The following PRSS12 variants were observed in gnomAD, a reference collection of about 807,000 sequenced individuals.
PRSS12 encodes the protein serine protease 12.
In PRSS12, 85 loss-of-function variants were observed where a neutral mutation model predicts 104.4. The ratio of observed to expected loss-of-function variants is 0.81; its 90% CI spans 0.68 to 0.98. The LOEUF is 0.98. PRSS12 is among the 50% of genes least tolerant of loss of function. PRSS12 has a pLI of 0.00. For synonymous variants in PRSS12, 454 were observed against 425.2 expected (o/e 1.07, Z -0.83); for missense variants, 1,141 against 1,139.2 (o/e 1.00, Z -0.02).
rs372488853 is a variant in PRSS12, at chr4:118,352,362, T to G, written c.359A>C (p.Glu120Ala). Residue 120 changes from glutamate (E) to alanine (A), a missense_variant, in exon 1 of 13, where the codon GAG becomes GCG. Glu to Ala is a moderately radical substitution (Grantham distance 107). Coordinates refer to ENST00000296498, the MANE Select transcript of PRSS12 (RefSeq NM_003619.4). ...LRWAEVPPFL[E>A]RSPPASWAQL... is the part of the protein sequence containing the mutation. ...AGCCCAGCTCGCTGGGGGCGACCGC[T>G]CCAGGAAGGGTGGCACCTCCGCCCA... 9.3e-5 allele frequency: 146 copies of G among 1,565,528 alleles called. No individual in the cohort carries two copies. In the African/African-American group the frequency reaches 1.8e-3, roughly 20 times the overall value.
intron 8 of PRSS12, chr4:118,303,961 G>T (rs1318758364): frequency 6.6e-6 from 1 of 151,542 alleles, no homozygotes; most frequent in East Asian, 1.9e-4. Context: ...CCAACCCATT[G>T]GTCTAATTAA....
At chr4:118,303,087 T>C (rs1018404235) in intron 8 of PRSS12, among the ~76,000 whole-genome samples, 2 of 151,784 alleles carry the variant, frequency 1.3e-5, no homozygotes, top group African/African-American at 4.8e-5. Context: ...GAAGGGGAAG[T>C]TACAGATAAT....
chr4:118,312,243 A>G (rs1180555443), intron 7 of PRSS12, among the ~76,000 whole-genome samples: 3 of 152,180 alleles, frequency 2.0e-5, no homozygotes, highest in African/African-American at 7.2e-5. Context: ...TTGTTACTTT[A>G]TAACATGAAG....
intron 4 of PRSS12, among the ~76,000 whole-genome samples, chr4:118,327,537 A>AAATG (rs1198588331): frequency 6.6e-6 from 1 of 152,196 alleles, no homozygotes; most frequent in Admixed American, 6.6e-5. Context: ...TTTAGAGCAA[A>AAATG]AAAGTAAAAA....
At position 118,283,085 on chromosome 4, in the gene PRSS12, G is replaced by A; in HGVS notation, c.2066C>T (p.Ala689Val). Residue 689 changes from alanine to valine, a missense_variant, in exon 12 of 13, where the codon GCT (alanine) becomes GTT (valine). Coordinates refer to ENST00000296498, the MANE Select transcript of PRSS12 (RefSeq NM_003619.4). ...AGTATGATAATCTCCAACCCTAACA[G>A]CATAGCTCCTAGTGCTGTTGCCATA... The part of the protein sequence containing the change: ...KRYGNSTRSY[A>V]VRVGDYHTLV... 6.2e-6 allele frequency: 10 copies of A among 1,614,092 alleles called. No homozygotes were observed. Among genetic ancestry groups the A allele is most frequent in the Non-Finnish European group, 8.5e-6 (10 of 1,180,016 alleles).
intron 8 of PRSS12, among the ~76,000 whole-genome samples, chr4:118,307,106 T>C (rs1327026187): frequency 1.3e-5 from 2 of 152,150 alleles, no homozygotes; most frequent in Non-Finnish European, 2.9e-5. Context: ...AGAAACACAG[T>C]GAGCAAAAGA....
At position 118,352,749 on chromosome 4, in the gene PRSS12, G is replaced by A; in HGVS notation, c.-29C>T. The A allele has an allele frequency of 1.2e-6, 2 of 1,611,008 alleles. No individual in the cohort carries two copies. Among genetic ancestry groups the A allele is most frequent in the Non-Finnish European group, 1.7e-6 (2 of 1,178,732 alleles). On this transcript the variant is annotated 5_prime_UTR_variant, in exon 1 of 13. Transcript: ENST00000296498. ...GCCAGCGCTGCGGGGTCTGGTCCAT[G>A]CTCCCCAGCTTCTCGGGCTTGGAGC...
intron 3 of PRSS12, 118 bp downstream of exon 3, chr4:118,335,355 C>T (rs1384742541): frequency 1.6e-5 from 20 of 1,216,602 alleles, no homozygotes; most frequent in Non-Finnish European, 2.2e-5. Context: ...TTGACTCAGA[C>T]TTATTTCTGT....
intron 9 of PRSS12, 115 bp downstream of exon 9, chr4:118,298,618 A>G: frequency 9.1e-7 from 1 of 1,094,856 alleles, no homozygotes; most frequent in Non-Finnish European, 1.4e-6. Flanking sequence ...AGCACAAGAC[A>G]TGGATCTGTA....
intron 5 of PRSS12, among the ~76,000 whole-genome samples, 164 bp downstream of exon 5, chr4:118,318,214 G>A (rs749432104): frequency 3.3e-5 from 5 of 152,166 alleles, no homozygotes; most frequent in Non-Finnish European, 5.9e-5. Context: ...TGAATAAAAA[G>A]ATGGTACTTT....
chr4:118,299,140 C>CT (rs1384672294), intron 8 of PRSS12, among the ~76,000 whole-genome samples: 2 of 152,188 alleles, frequency 1.3e-5, no homozygotes, highest in Non-Finnish European at 2.9e-5. Flanking sequence ...TCCACAGCTA[C>CT]TTTATTACAT....
In PRSS12 at chr4:118,298,787, C is replaced by T. The variant is rs757463897; in HGVS notation, c.1783G>A (p.Ala595Thr). ...CCAAAATAATCACAAATAACTCCTG[C>T]ATCTTCACTGTGGCGGCAGTTGTGT... ...GRHNCRHSED[A>T]GVICDYFGKK... The change falls in exon 9 of 13, where the codon GCA (alanine) becomes ACA (threonine). Residue 595 changes from alanine to threonine, a missense_variant. By Grantham distance (58) the Ala-to-Thr change is moderately conservative (BLOSUM62 0). Transcript: ENST00000296498. The T allele has an allele frequency of 6.2e-7, 1 of 1,614,168 alleles. No homozygotes were observed. The highest frequency in any genetic ancestry group is 1.1e-5 in the South Asian group (1 of 91,082).
In PRSS12 at chr4:118,335,511, T is replaced by G. The variant is rs1456047685; in HGVS notation, c.782A>C (p.Gln261Pro). ...ACACGTGACAGCAGCTGCCATCTTC[T>G]GAGGACACACCCCACCCTGCCAGAT... Reference protein sequence around the residue: ...KDIWQGGVCPQKMAAAVTCSF... With the variant: ...KDIWQGGVCPPKMAAAVTCSF... The change falls in exon 3 of 13, where the codon CAG (glutamine) becomes CCG (proline). Residue 261 changes from glutamine (Q) to proline (P), a missense_variant. Physicochemically the swap from Gln to Pro is moderately conservative, Grantham distance 76. Transcript: ENST00000296498. The G allele has an allele frequency of 1.2e-6, 2 of 1,613,912 alleles. No homozygotes were observed. Among genetic ancestry groups the G allele is most frequent in the Non-Finnish European group, 8.5e-7 (1 of 1,179,976 alleles).
intron 11 of PRSS12, 84 bp downstream of exon 11, chr4:118,294,855 C>T: frequency 3.8e-6 from 6 of 1,574,452 alleles, no homozygotes; most frequent in Non-Finnish European, 5.2e-6. Context: ...GGCTCTGACA[C>T]CTTGAGTGCT....
intron 9 of PRSS12, among the ~76,000 whole-genome samples, chr4:118,296,643 G>A (rs1165480884): frequency 1.3e-5 from 2 of 151,804 alleles, no homozygotes; most frequent in African/African-American, 4.8e-5. Context: ...AGAGGAGGAG[G>A]GTGGGAACTG....
intron 11 of PRSS12, among the ~76,000 whole-genome samples, chr4:118,286,071 G>A (rs1743010542): frequency 6.6e-6 from 1 of 152,140 alleles, no homozygotes; most frequent in Non-Finnish European, 1.5e-5. Context: ...GCCTTAATGT[G>A]TCATTTCATG....
At chr4:118,303,206 A>C (rs963055079) in intron 8 of PRSS12, 2 of 152,140 alleles carry the variant, frequency 1.3e-5, no homozygotes, top group African/African-American at 2.4e-5. Context: ...CTGAGAAAAG[A>C]TGAAAATTGA....
intron 8 of PRSS12, among the ~76,000 whole-genome samples, chr4:118,299,451 C>T (rs1277184184): frequency 2.6e-5 from 4 of 151,984 alleles, no homozygotes; most frequent in East Asian, 1.9e-4. Context: ...GAGGCCAAGG[C>T]GGGCGGATCA....
At chr4:118,320,216 C>A (rs1011408333) in intron 4 of PRSS12, among the ~76,000 whole-genome samples, 1 of 151,916 alleles carries the variant, frequency 6.6e-6, no homozygotes, top group Non-Finnish European at 1.5e-5. Context: ...GCATCTACTC[C>A]CCCATTATTT....
Sources: allele counts gnomAD v4.1 joint callset (sites outside exome capture counted in the v4.1 genomes callset), GRCh38; gene constraint gnomAD v4.1.1; transcripts MANE v1.5; gene names NCBI Gene and HGNC (gene_info 2026-07-23, HGNC 2026-07-21).